Variants in LRP5 observed in about 807,000 individuals in gnomAD.
The protein encoded by LRP5 is low-density lipoprotein receptor-related protein 5.
LRP5 carries 62 observed loss-of-function variants against 154.1 expected under a neutral mutation model. The observed-to-expected ratio is 0.40, with a 90% CI of 0.33 to 0.50. LRP5 has a LOEUF of 0.50. Among genes scored for constraint, LRP5 ranks in the 20% least tolerant of loss-of-function variants. The pLI is 0.55. For missense variants in LRP5, 1,915 were observed against 2,336.7 expected (o/e 0.82, Z 3.72); for synonymous variants, 966 against 1,011.5 (o/e 0.96, Z 0.85).
rs139206235 is a variant in LRP5, at chr11:68,448,587, A to G, written c.4587-222A>G. 7.9e-3 allele frequency among the ~76,000 whole-genome samples: 1,198 copies of G among 152,326 alleles called. 19 individuals carry two copies. Among genetic ancestry groups the G allele is most frequent in the African/African-American group, 0.027 (1,134 of 41,584 alleles). Reference sequence around the variant, plus strand: ...CCAGGGCCCAGGCTTGGCAGGCTGCAGGGCAGGTGCGGGCATGCCCATGGT... The same window carrying G: ...CCAGGGCCCAGGCTTGGCAGGCTGCGGGGCAGGTGCGGGCATGCCCATGGT... On this transcript the variant is annotated intron_variant, in intron 22 of 22. Transcript: ENST00000294304.
chr11:68,396,892 C>T (rs530272474), intron 7 of LRP5, among the ~76,000 whole-genome samples: 108 of 152,322 alleles, frequency 7.1e-4, no homozygotes, highest in Non-Finnish European at 1.2e-3. Flanking sequence ...TGCCCCACCA[C>T]GTGTGAAGCC....
At chr11:68,427,386 A>G (rs572177652) in intron 16 of LRP5, among the ~76,000 whole-genome samples, 10 of 152,240 alleles carry the variant, frequency 6.6e-5, no homozygotes, top group South Asian at 4.1e-4. Flanking sequence ...AAATACAAAC[A>G]AAAAGGGACC....
intron 2 of LRP5, among the ~76,000 whole-genome samples, chr11:68,355,200 C>T (rs1223861893): frequency 6.6e-6 from 1 of 152,160 alleles, no homozygotes; most frequent in Non-Finnish European, 1.5e-5. Context: ...TTTGCCTCTT[C>T]TGCTGAATGG....
intron 1 of LRP5, among the ~76,000 whole-genome samples, chr11:68,336,456 T>C (rs2098605754): frequency 1.3e-5 from 2 of 152,148 alleles, no homozygotes; most frequent in African/African-American, 4.8e-5. Context: ...ATGTTTGCAT[T>C]TACCTATTTT....
chr11:68,341,833 T>A (rs2098609324), intron 1 of LRP5, among the ~76,000 whole-genome samples: 1 of 152,154 alleles, frequency 6.6e-6, no homozygotes, highest in Non-Finnish European at 1.5e-5. Flanking sequence ...CTGCAGCGTT[T>A]ATGATGTAAC....
At chr11:68,302,914 G>A in the LRP5 span, among the ~76,000 whole-genome samples, 8 of 152,156 alleles carry the variant, frequency 5.3e-5, no homozygotes, top group Non-Finnish European at 1.2e-4. Context: ...TGTGAGGGAT[G>A]ACTCAGCACT....
At position 68,396,083 on chromosome 11, in the gene LRP5, G is replaced by T. The variant is rs567597983; in HGVS notation, c.1584+6031G>T. Among the ~76,000 whole-genome samples, 3 of 152,222 alleles carry T rather than the reference G, an allele frequency of 2.0e-5. No individual in the cohort carries two copies. In the South Asian group the frequency reaches 6.2e-4, roughly 32 times the overall value. ...CAGCTGTGTCCCAGGCAATGGCGGGGACAGTGGCTGCTGCTGGGGTTGTGG... is the reference window on the plus strand; with the variant it reads ...CAGCTGTGTCCCAGGCAATGGCGGGTACAGTGGCTGCTGCTGGGGTTGTGG... On this transcript the variant is annotated intron_variant, in intron 7 of 22. Transcript: ENST00000294304.
In LRP5 at chr11:68,429,484, A is replaced by G. The variant is rs2098670752; in HGVS notation, c.3638-91A>G. ...CGGGCCTGCAGGAGGGCCAGTTCTCATGAGTTCTCATTTGGCCCCTACCCT... is the reference window on the plus strand; with the variant it reads ...CGGGCCTGCAGGAGGGCCAGTTCTCGTGAGTTCTCATTTGGCCCCTACCCT... On this transcript the variant is annotated intron_variant, in intron 16 of 22. Transcript: ENST00000294304. 3 of 1,556,402 alleles carry G rather than the reference A, an allele frequency of 1.9e-6. No individual in the cohort carries two copies. In the East Asian group the frequency reaches 6.7e-5, roughly 35 times the overall value.
At position 68,363,857 on chromosome 11, in the gene LRP5, G is replaced by T; in HGVS notation, c.797G>T (p.Arg266Leu). 1 of 1,613,138 alleles carries T rather than the reference G, an allele frequency of 6.2e-7. No homozygotes were observed. Among genetic ancestry groups the T allele is most frequent in the Non-Finnish European group, 8.5e-7 (1 of 1,179,850 alleles). ...CGCTCCATCCATGCCTGCAACAAGCGCACTGGGGGGAAGAGGAAGGAGATC... is the reference window on the plus strand; with the variant it reads ...CGCTCCATCCATGCCTGCAACAAGCTCACTGGGGGGAAGAGGAAGGAGATC... ...QTRSIHACNK[R>L]TGGKRKEILS... The change falls in exon 4 of 23, where the codon CGC (arginine) becomes CTC (leucine). Residue 266 changes from arginine (R) to leucine (L), a missense_variant. This residue lies in a region of LRP5 where 773 missense variants were observed against 1,100.9 expected (regional missense o/e 0.70). Transcript: ENST00000294304.
intron 2 of LRP5, among the ~76,000 whole-genome samples, chr11:68,351,968 T>C (rs1406105479): frequency 6.6e-6 from 1 of 151,858 alleles, no homozygotes; most frequent in African/African-American, 2.4e-5. Context: ...GCGGGGCCTG[T>C]TTGAGGGGCT....
chr11:68,301,856 C>T, the LRP5 span, among the ~76,000 whole-genome samples: 398 of 151,648 alleles, frequency 2.6e-3, no homozygotes, highest in East Asian at 0.053. Context: ...TCTCGATCTC[C>T]TGACCTCGTG....
intron 5 of LRP5, among the ~76,000 whole-genome samples, chr11:68,377,420 C>T (rs1458768560): frequency 6.6e-6 from 1 of 152,126 alleles, no homozygotes; most frequent in Admixed American, 6.5e-5. Flanking sequence ...GTCCCAGGCA[C>T]CGTGCAGGTG....
chr11:68,407,527 C>T (rs1368897201), intron 9 of LRP5, among the ~76,000 whole-genome samples: 2 of 151,046 alleles, frequency 1.3e-5, no homozygotes, highest in Non-Finnish European at 2.9e-5. Flanking sequence ...TGTGGGCTGG[C>T]CTTCTGATTC....
chr11:68,412,183 C>G (rs1439228116), intron 11 of LRP5, among the ~76,000 whole-genome samples: 1 of 152,158 alleles, frequency 6.6e-6, no homozygotes, highest in East Asian at 1.9e-4. Context: ...CCAAGTCACA[C>G]AGCAACAGGA....
At chr11:68,355,464 A>G (rs1217130626) in intron 2 of LRP5, among the ~76,000 whole-genome samples, 2 of 152,142 alleles carry the variant, frequency 1.3e-5, no homozygotes, top group African/African-American at 4.8e-5. Flanking sequence ...AAAACACAAT[A>G]GGTCTGCCAG....
intron 21 of LRP5, among the ~76,000 whole-genome samples, chr11:68,443,573 ATATATATATATATTTTTTTT>A (rs1412787298): frequency 2.3e-5 from 1 of 43,550 alleles, no homozygotes; most frequent in Non-Finnish European, 4.2e-5. Context: ...ATATATATAT[ATATATATATATATTTTTTTT>A]TTTTTTGGTT....
chr11:68,359,845 G>A (rs167549), intron 3 of LRP5, among the ~76,000 whole-genome samples: 7,024 of 150,432 alleles, frequency 0.047, 227 homozygotes, highest in Non-Finnish European at 0.069. Context: ...GGAGTGCAGC[G>A]GCACCATCTT....
At chr11:68,341,059 C>CTTTTGTTTTTTTTTTTTTTTT (rs2098608756) in intron 1 of LRP5, among the ~76,000 whole-genome samples, 2 of 83,492 alleles carry the variant, frequency 2.4e-5, no homozygotes, top group Non-Finnish European at 4.8e-5. Flanking sequence ...GGAGATTGTT[C>CTTTTGTTTTTTTTTTTTTTTT]TTTTTTTTTT....
At chr11:68,313,226 G>A (rs1391739261) in intron 1 of LRP5, among the ~76,000 whole-genome samples, 2 of 151,402 alleles carry the variant, frequency 1.3e-5, no homozygotes, top group African/African-American at 4.8e-5. Flanking sequence ...CAGCGGCCGC[G>A]CGGCCGCCCC....
Sources: allele counts gnomAD v4.1 joint callset (sites outside exome capture counted in the v4.1 genomes callset), GRCh38; gene constraint gnomAD v4.1.1; regional missense constraint gnomAD v4.1.1; transcripts MANE v1.5; gene names NCBI Gene and HGNC (gene_info 2026-07-23, HGNC 2026-07-21).